Variants in DPH6 observed in about 807,000 individuals in gnomAD.
The protein encoded by DPH6 is diphthamine biosynthesis 6.
DPH6 carries 33 observed loss-of-function variants against 38.2 expected under a neutral mutation model. The observed-to-expected ratio is 0.86, with a 90% confidence interval of 0.65 to 1.15. The LOEUF is 1.15. Among genes scored for constraint, DPH6 ranks in the 50% most tolerant of loss-of-function variants. The probability of loss-of-function intolerance (pLI) is 0.00; values close to 1 mark genes in which losing one functional copy is unlikely to be tolerated. For missense variants in DPH6, 325 were observed against 320.0 expected (o/e 1.02, Z -0.12); for synonymous variants, 108 against 103.0 (o/e 1.05, Z -0.30).
At chr15:35,211,826 A>AT in the DPH6 span, among the ~76,000 whole-genome samples, 278 of 151,948 alleles carry the variant, frequency 1.8e-3, 2 homozygotes, top group African/African-American at 6.3e-3. Context: ...GCCAAGTACA[A>AT]TTTTTTTTGG....
At chr15:35,243,124 A>T (rs1280424610) in intron 3 of DPH6, among the ~76,000 whole-genome samples, 1 of 142,190 alleles carries the variant, frequency 7.0e-6, no homozygotes, top group Admixed American at 7.7e-5. Context: ...TATTCCATTT[A>T]GTTTTTCAAT....
At chr15:35,315,614 A>G (rs898940569) in intron 3 of DPH6, among the ~76,000 whole-genome samples, 3 of 152,228 alleles carry the variant, frequency 2.0e-5, no homozygotes, top group African/African-American at 7.2e-5. Flanking sequence ...CAGAGTGACT[A>G]TGGAGAACAG....
intron 3 of DPH6, among the ~76,000 whole-genome samples, chr15:35,310,785 C>T (rs2140823719): frequency 6.6e-6 from 1 of 152,030 alleles, no homozygotes; most frequent in Middle Eastern, 3.4e-3. Context: ...TGTGGTGGCT[C>T]ACGCCTGTAA....
chr15:35,392,290 GC>G (rs1304415372), intron 6 of DPH6, among the ~76,000 whole-genome samples: 1 of 151,806 alleles, frequency 6.6e-6, no homozygotes, highest in Non-Finnish European at 1.5e-5. Context: ...GAACTGAATG[GC>G]TAAGGGCGTC....
rs575675153 is a variant in DPH6 at position 35,324,308 on chromosome 15, CT to C, written n.200+49212del. 1.5e-3 allele frequency among the ~76,000 whole-genome samples: 221 copies of C among 152,256 alleles called. 1 individual carries two copies. The highest frequency in any genetic ancestry group is 5.2e-3 in the African/African-American group (215 of 41,558). On this transcript the variant is annotated intron_variant and non_coding_transcript_variant, in intron 3 of 3. Coordinates refer to the DPH6 transcript ENST00000560386. The stretch of plus-strand genomic sequence containing the variant: ...TGTATTGCATAAAGTTATAAGGCAT[CT>C]TTCAAAAGAATTACAAATAGAAATT...
chr15:35,216,729 G>A (rs1265549107), downstream of DPH6, among the ~76,000 whole-genome samples: 1 of 152,158 alleles, frequency 6.6e-6, no homozygotes, highest in Non-Finnish European at 1.5e-5. Flanking sequence ...AAATAGTCTA[G>A]TGGGAAGACA....
At chr15:35,375,899 G>A (rs530560374) in intron 7 of DPH6, among the ~76,000 whole-genome samples, 13 of 152,046 alleles carry the variant, frequency 8.6e-5, no homozygotes, top group African/African-American at 3.1e-4. Context: ...GGACAACTAC[G>A]CTAAGCTGGG....
downstream of DPH6, among the ~76,000 whole-genome samples, chr15:35,215,330 G>A (rs1054083824): frequency 1.3e-5 from 2 of 152,184 alleles, no homozygotes; most frequent in South Asian, 4.1e-4. Context: ...TGCAATACCA[G>A]AACACACAGA....
At chr15:35,303,029 G>C (rs78688079) in intron 3 of DPH6, among the ~76,000 whole-genome samples, 1 of 152,062 alleles carries the variant, frequency 6.6e-6, no homozygotes, top group Non-Finnish European at 1.5e-5. Context: ...AGTCTTCTTT[G>C]TTCTACAATT....
chr15:35,463,369 T>C (rs2054088648), intron 3 of DPH6, among the ~76,000 whole-genome samples: 1 of 364 alleles, frequency 2.7e-3, no homozygotes, highest in South Asian at 0.5. Flanking sequence ...ATTGTAAATG[T>C]GCACAAGTTA....
intron 3 of DPH6, chr15:35,520,348 T>C: frequency 1.0e-6 from 1 of 983,634 alleles, no homozygotes; most frequent in Non-Finnish European, 1.2e-6. Flanking sequence ...CTCATAGACA[T>C]GCATTTTGTG....
intron 5 of DPH6, among the ~76,000 whole-genome samples, chr15:35,415,333 G>C (rs2053422749): frequency 6.6e-6 from 1 of 151,884 alleles, no homozygotes. Flanking sequence ...GATTGAATTT[G>C]AGAATTTGTG....
intron 3 of DPH6, among the ~76,000 whole-genome samples, chr15:35,489,125 G>A (rs567438461): frequency 6.6e-6 from 1 of 152,308 alleles, no homozygotes; most frequent in Admixed American, 6.5e-5. Flanking sequence ...TGGTTCAATA[G>A]TGGGTATTCT....
intron 3 of DPH6, among the ~76,000 whole-genome samples, chr15:35,350,089 G>C (rs926388647): frequency 1.3e-5 from 2 of 152,116 alleles, no homozygotes; most frequent in African/African-American, 2.4e-5. Context: ...GCTTTTCCTT[G>C]TTGGGACCTG....
At chr15:35,223,021 C>G (rs920329559) in intron 3 of DPH6, among the ~76,000 whole-genome samples, 1 of 152,196 alleles carries the variant, frequency 6.6e-6, no homozygotes, top group South Asian at 2.1e-4. Flanking sequence ...TTCCATTTCA[C>G]AGTTGTAACA....
Position 35,372,047 on chromosome 15 carries a change from G to A in DPH6, c.*103C>T. 2 of 1,438,496 alleles carry A rather than the reference G, an allele frequency of 1.4e-6. No homozygotes were observed. Among genetic ancestry groups the A allele is most frequent in the South Asian group, 1.5e-5 (1 of 64,880 alleles). 89.1% of individuals were successfully genotyped at this position (1,438,496 alleles called of 1,614,324 possible). A position where few individuals can be genotyped will look rare whatever the true frequency, so the allele number is the denominator to read the frequency against. The stretch of plus-strand genomic sequence containing the variant: ...AAAGTATGTTTCTCTAAAAAAATAA[G>A]AGTCATGAGAAAAAAATAAACTAGT... On this transcript the variant is annotated 3_prime_UTR_variant, in exon 9 of 9. Transcript: ENST00000256538.
In DPH6 at chr15:35,496,564, AAAAATAT is replaced by A. The variant is rs1185409519; in HGVS notation, c.312+41703_312+41709del. Reference sequence around the variant, plus strand: ...GACGAAAGTTCCATCTCAAAAAAAAAAAAATATATATATATATATATATATATCCTCT... The same window carrying A: ...GACGAAAGTTCCATCTCAAAAAAAAAATATATATATATATATATATCCTCT... On this transcript the variant is annotated intron_variant, in intron 3 of 8. Coordinates refer to ENST00000256538, the MANE Select transcript of DPH6 (RefSeq NM_080650.4). Among the ~76,000 whole-genome samples, 150 of 95,102 alleles carry A rather than the reference AAAAATAT, an allele frequency of 1.6e-3. 7 individuals are homozygous for A. The highest frequency in any genetic ancestry group is 6.2e-3 in the African/African-American group (143 of 23,084). The allele number at this position is 95,102 out of a possible 152,430, so 62.4% of individuals were successfully genotyped here. A position where few individuals can be genotyped will look rare whatever the true frequency, so the allele number is the denominator to read the frequency against.
intron 3 of DPH6, among the ~76,000 whole-genome samples, chr15:35,249,617 A>T (rs896970069): frequency 2.6e-5 from 4 of 152,108 alleles, no homozygotes; most frequent in Admixed American, 6.6e-5. Flanking sequence ...TGCAGGTGAG[A>T]TTTATAATCT....
chr15:35,393,367 GA>G (rs967519075), intron 6 of DPH6, among the ~76,000 whole-genome samples: 1 of 152,132 alleles, frequency 6.6e-6, no homozygotes, highest in African/African-American at 2.4e-5. Context: ...CGATGAATTA[GA>G]AAAGAAAAGC....
Sources: allele counts gnomAD v4.1 joint callset (sites outside exome capture counted in the v4.1 genomes callset), GRCh38; gene constraint gnomAD v4.1.1; transcripts MANE v1.5; gene names NCBI Gene and HGNC (gene_info 2026-07-23, HGNC 2026-07-21).